Variants in MYRF observed in about 807,000 individuals in gnomAD.
The protein encoded by MYRF is myelin gene regulatory factor.
Under a neutral mutation model 126.3 loss-of-function variants are expected in MYRF, and 16 were observed. That is an observed-to-expected ratio of 0.13 (90% CI 0.09 to 0.19). MYRF has a LOEUF of 0.19. MYRF is among the 10% of genes least tolerant of loss of function. The probability of loss-of-function intolerance (pLI) is 1.00; values close to 1 mark genes in which losing one functional copy is unlikely to be tolerated. For missense variants in MYRF, 1,104 were observed against 1,547.0 expected (o/e 0.71, Z 4.80); for synonymous variants, 608 against 635.3 (o/e 0.96, Z 0.65).
chr11:61,752,900 C>G, intron 1 of MYRF, 110 bp downstream of exon 1: 1 of 1,111,024 alleles, frequency 9.0e-7, no homozygotes. Flanking sequence ...TGGCTGGGAC[C>G]CTCCTTCAGG....
In MYRF at chr11:61,778,457, A is replaced by G. The variant is rs991435396; in HGVS notation, c.1981A>G (p.Lys661Glu). ...DTGDMVFANG[K>E]TIENFLVVNK... The stretch of plus-strand genomic sequence containing the variant: ...CGGAGACATGGTCTTTGCCAATGGG[A>G]AAACCATAGAGAACTTCCTGGTGGT... The change falls in exon 14 of 27, where the codon AAA becomes GAA. Residue 661 changes from lysine (K) to glutamate (E), a missense_variant. Around this residue, in one of 10 missense-constraint regions of MYRF, gnomAD observed 123 missense variants for 209.1 expected, o/e 0.59. Coordinates refer to ENST00000278836, the MANE Select transcript of MYRF (RefSeq NM_001127392.3). The surrounding 1 kb of genome is among the most constrained non-coding windows in gnomAD (Gnocchi z 4.6). The G allele has an allele frequency of 1.2e-6, 2 of 1,613,918 alleles. No homozygotes were observed. The highest frequency in any genetic ancestry group is 2.7e-5 in the African/African-American group (2 of 74,912).
Position 61,769,245 on chromosome 11 carries a change from C to T in MYRF, c.399-15C>T, listed in dbSNP as rs1296735319. 2.5e-6 allele frequency: 4 copies of T among 1,573,660 alleles called. No homozygotes were observed. Among genetic ancestry groups the T allele is most frequent in the Middle Eastern group, 1.7e-4 (1 of 5,984 alleles). ...CAGCTGCTCACCCCCCGGCCCCTTC[C>T]CCTGGCTCTCGCAGCACACTGCCGG... On this transcript the variant is annotated splice_polypyrimidine_tract_variant and intron_variant, in intron 3 of 26. Coordinates refer to ENST00000278836, the MANE Select transcript of MYRF (RefSeq NM_001127392.3).
At position 61,757,580 on chromosome 11, in the gene MYRF, A is replaced by G; in HGVS notation, c.46+4790A>G. 2.2e-6 allele frequency: 1 copy of G among 456,250 alleles called. No homozygotes were observed. Among genetic ancestry groups the G allele is most frequent in the Non-Finnish European group, 4.4e-6 (1 of 226,798 alleles). The allele number at this position is 456,250 out of a possible 1,614,324, so 28.3% of individuals were successfully genotyped here. On this transcript the variant is annotated intron_variant, in intron 1 of 26. Coordinates refer to ENST00000278836, the MANE Select transcript of MYRF (RefSeq NM_001127392.3). This position sits in a 1 kb window ranked among gnomAD's most constrained non-coding sequence, Gnocchi z 4.7. ...CTGTGGTTCTGTGTGCAAGGCCTGAACCATGACAGCTCTGGCCCAGCGTGG... is the reference window on the plus strand; with the variant it reads ...CTGTGGTTCTGTGTGCAAGGCCTGAGCCATGACAGCTCTGGCCCAGCGTGG...
chr11:61,781,757 G>C lies in MYRF; in HGVS notation c.2949G>C (p.Arg983=). 6.2e-7 allele frequency: 1 copy of C among 1,611,180 alleles called. No homozygotes were observed. The highest frequency in any genetic ancestry group is 8.5e-7 in the Non-Finnish European group (1 of 1,179,156). ...GTCCCAGCCTTGGTTTCCATGGCCG[G>C]GCCCGCCGAGGGGCCCTCCAGTCCA... ...KNSPSLGFHG[R]ARRGALQSSV... Residue 983 remains arginine (R), a synonymous_variant, in exon 22 of 27, where the codon CGG becomes CGC. Coordinates refer to ENST00000278836, the MANE Select transcript of MYRF (RefSeq NM_001127392.3).
At chr11:61,761,877 C>G (rs972960541) in intron 1 of MYRF, among the ~76,000 whole-genome samples, 1 of 152,242 alleles carries the variant, frequency 6.6e-6, no homozygotes, top group African/African-American at 2.4e-5. Flanking sequence ...GTGCATGGCA[C>G]AGGGCTGGGC....
At chr11:61,755,001 C>T (rs993209408) in intron 1 of MYRF, among the ~76,000 whole-genome samples, 4 of 152,176 alleles carry the variant, frequency 2.6e-5, no homozygotes, top group East Asian at 1.9e-4. Flanking sequence ...GCCGTGGCTG[C>T]GTCACTCTTG....
chr11:61,776,559 T>C lies in MYRF; in HGVS notation c.1499+127T>C. 1.2e-6 allele frequency: 1 copy of C among 812,714 alleles called. No individual in the cohort carries two copies. Among genetic ancestry groups the C allele is most frequent in the East Asian group, 2.7e-5 (1 of 37,134 alleles). The allele number at this position is 812,714 out of a possible 1,614,324, so 50.3% of individuals were successfully genotyped here. A position where few individuals can be genotyped will look rare whatever the true frequency, so the allele number is the denominator to read the frequency against. ...TTTCACAGATGAGAGACCTGAGATT[T>C]AGAGCCCTTCATTGACTTAAGGATG... On this transcript the variant is annotated intron_variant, in intron 10 of 26. Transcript: ENST00000278836. The surrounding 1 kb of genome is among the most constrained non-coding windows in gnomAD (Gnocchi z 4.3).
chr11:61,758,254 C>T (rs1211384408), intron 1 of MYRF, among the ~76,000 whole-genome samples: 2 of 152,168 alleles, frequency 1.3e-5, no homozygotes, highest in Admixed American at 6.5e-5. Flanking sequence ...TCCGTGCAGC[C>T]ACCGGAGTGC....
chr11:61,784,000 G>A lies in MYRF; in HGVS notation c.3194+75G>A, dbSNP rs1020474766. On this transcript the variant is annotated intron_variant, in intron 24 of 26. Coordinates refer to ENST00000278836, the MANE Select transcript of MYRF (RefSeq NM_001127392.3). This position sits in a 1 kb window ranked among gnomAD's most constrained non-coding sequence, Gnocchi z 4.6. ...TCTCCCGCAGAGCCTCAGAACAGCC[G>A]AGTCTGAGGACAGCCGGAGAGTCTC... The A allele has an allele frequency of 3.7e-5, 54 of 1,477,494 alleles. No homozygotes were observed. The highest frequency in any genetic ancestry group is 2.7e-4 in the Admixed American group (14 of 51,460). 91.5% of individuals were successfully genotyped at this position (1,477,494 alleles called of 1,614,324 possible).
At chr11:61,767,084 T>TGCCCTGGGTGCATGGTG (rs1565287112) in intron 3 of MYRF, 5 of 456,584 alleles carry the variant, frequency 1.1e-5, no homozygotes, top group Non-Finnish European at 2.2e-5. Context: ...GCACAGAGGA[T>TGCCCTGGGTGCATGGTG]GCCCTGGGTG....
Position 61,766,108 on chromosome 11 carries a change from C to T in MYRF, c.285C>T (p.Tyr95=), listed in dbSNP as rs1293320632. The T allele has an allele frequency of 2.5e-6, 4 of 1,608,186 alleles. No individual in the cohort carries two copies. Among genetic ancestry groups the T allele is most frequent in the East Asian group, 2.2e-5 (1 of 44,876 alleles). The change falls in exon 3 of 27, where the codon TAC becomes TAT. Residue 95 remains tyrosine (Y), a synonymous_variant. Transcript: ENST00000278836. The stretch of plus-strand genomic sequence containing the variant: ...ATGGTCCCCTCCCACCCCCGGGCTA[C>T]GGCACCCCGCTGAACTGCAACAACA... ...GRHGPLPPPG[Y]GTPLNCNNNN... is the part of the protein sequence containing the mutation.
intron 3 of MYRF, chr11:61,766,490 G>A (rs1367407005): frequency 4.4e-6 from 2 of 459,000 alleles, no homozygotes; most frequent in Non-Finnish European, 7.7e-6. Context: ...TCGATGCTGT[G>A]TGGAGAGTGG....
Position 61,776,109 on chromosome 11 carries a change from C to A in MYRF, c.1365C>A (p.Ser455Arg). ...INIEQSQSDRSKRPFNPVTVN... is the reference protein window; with the variant it reads ...INIEQSQSDRRKRPFNPVTVN... ...TCGAGCAGTCCCAGTCAGACCGGAGCAAGCGGCCCTTCAACCCGGTCACGT... is the reference window on the plus strand; with the variant it reads ...TCGAGCAGTCCCAGTCAGACCGGAGAAAGCGGCCCTTCAACCCGGTCACGT... Residue 455 changes from serine to arginine, a missense_variant, in exon 9 of 27, where the codon AGC (serine) becomes AGA (arginine). Transcript: ENST00000278836. The surrounding 1 kb of genome is among the most constrained non-coding windows in gnomAD (Gnocchi z 4.3). 2 of 1,614,086 alleles carry A rather than the reference C, an allele frequency of 1.2e-6. No individual in the cohort carries two copies.
chr11:61,773,112 T>A (rs2066272933), intron 7 of MYRF, among the ~76,000 whole-genome samples: 1 of 151,948 alleles, frequency 6.6e-6, no homozygotes, highest in Non-Finnish European at 1.5e-5. Context: ...TTCAAGCAAT[T>A]CTCCTGCCTC....
chr11:61,761,696 A>G (rs1327425265), intron 1 of MYRF, among the ~76,000 whole-genome samples: 2 of 152,230 alleles, frequency 1.3e-5, no homozygotes, highest in Non-Finnish European at 2.9e-5. Flanking sequence ...CTGGGATACT[A>G]TATCCCAGAG....
At chr11:61,780,660 T>C (rs2066516477) in intron 18 of MYRF, 52 bp from the exon 19 acceptor site, 1 of 1,518,548 alleles carries the variant, frequency 6.6e-7, no homozygotes, top group Admixed American at 2.0e-5. Context: ...CTGTGTCTTC[T>C]CTTCTCTTCC....
chr11:61,788,391 T>A lies in MYRF; in HGVS notation c.*2248T>A, dbSNP rs1169057309. ...AGCTTGGTATTTGTCATGTGCCAAC[T>A]CTGACTCTGAGGTGGGCAGTGAGGG... is the stretch of plus-strand genomic sequence containing the variant. On this transcript the variant is annotated 3_prime_UTR_variant, in exon 27 of 27. Coordinates refer to ENST00000278836, the MANE Select transcript of MYRF (RefSeq NM_001127392.3). 1.3e-5 allele frequency: 2 copies of A among 152,310 alleles called. No homozygotes were observed. The highest frequency in any genetic ancestry group is 2.9e-5 in the Non-Finnish European group (2 of 68,038). The allele number at this position is 152,310 out of a possible 1,614,324, so 9.4% of individuals were successfully genotyped here.
chr11:61,766,013 C>G lies in MYRF; in HGVS notation c.190C>G (p.Pro64Ala). Residue 64 changes from proline (P) to alanine (A), a missense_variant, in exon 3 of 27, where the codon CCT (proline) becomes GCT (alanine). By Grantham distance (27) the Pro-to-Ala change is conservative (BLOSUM62 -1). This residue lies in a region of MYRF where 368 missense variants were observed against 403.9 expected (regional missense o/e 0.91). Coordinates refer to ENST00000278836, the MANE Select transcript of MYRF (RefSeq NM_001127392.3). ...ASSASYSHGQ[P>A]AMPGSSGVHH... ...CTCGGCCTCCTACTCCCACGGGCAG[C>G]CTGCGATGCCTGGCTCCAGCGGGGT... 1 of 1,583,214 alleles carries G rather than the reference C, an allele frequency of 6.3e-7. No homozygotes were observed. Among genetic ancestry groups the G allele is most frequent in the East Asian group, 2.3e-5 (1 of 43,998 alleles).
At chr11:61,784,526 G>A (rs1203114901) in intron 25 of MYRF, 141 bp downstream of exon 25, 1 of 676,106 alleles carries the variant, frequency 1.5e-6, no homozygotes, top group East Asian at 2.7e-5. Flanking sequence ...CTGGGGCCTG[G>A]GCCTCTGTGT....
Sources: allele counts gnomAD v4.1 joint callset (sites outside exome capture counted in the v4.1 genomes callset), GRCh38; gene constraint gnomAD v4.1.1; regional missense constraint gnomAD v4.1.1; non-coding constraint Gnocchi (gnomAD v3.1); transcripts MANE v1.5; gene names NCBI Gene and HGNC (gene_info 2026-07-23, HGNC 2026-07-21).